NLGN1: variants seen among roughly 807,000 people sequenced by gnomAD.
NLGN1 encodes neuroligin-1.
In NLGN1, 12 loss-of-function variants were observed where a neutral mutation model predicts 65.5. That is an observed-to-expected ratio of 0.18 (90% CI 0.12 to 0.30). NLGN1 has a LOEUF of 0.30. Among genes scored for constraint, NLGN1 ranks in the 10% least tolerant of loss-of-function variants. The pLI is 1.00. For missense variants in NLGN1, 750 were observed against 1,007.1 expected (o/e 0.74, Z 3.46); for synonymous variants, 350 against 359.5 (o/e 0.97, Z 0.30).
chr3:174,275,966 A>G (rs758366673), intron 5 of NLGN1, among the ~76,000 whole-genome samples: 1 of 151,858 alleles, frequency 6.6e-6, no homozygotes, highest in South Asian at 2.1e-4. Context: ...AAGCGGTCAT[A>G]AGCTAGTTTG....
chr3:173,446,372 A>G (rs904567909), intron 2 of NLGN1, among the ~76,000 whole-genome samples: 25 of 152,124 alleles, frequency 1.6e-4, no homozygotes, highest in Admixed American at 6.5e-5. Context: ...AGCTTCATCC[A>G]TGTCCCTACA....
rs533711854 is a variant in NLGN1 at position 174,134,115 on chromosome 3, C to T, written c.647-141200C>T. Among the ~76,000 whole-genome samples the T allele has an allele frequency of 2.9e-3, 436 of 150,866 alleles. 1 individual carries two copies. The highest frequency in any genetic ancestry group is 5.3e-3 in the Non-Finnish European group (363 of 67,976). On this transcript the variant is annotated intron_variant, in intron 4 of 6. Coordinates refer to ENST00000457714, the Ensembl canonical transcript of NLGN1. ...AAAGACAAATTATATTTTATTGTAC[C>T]CACAAAACGAAAAGAAACAGTTGCG... is the stretch of plus-strand genomic sequence containing the variant.
intron 2 of NLGN1, among the ~76,000 whole-genome samples, chr3:173,436,597 C>T (rs76885674): frequency 0.046 from 7,077 of 152,230 alleles, 218 homozygotes; most frequent in Non-Finnish European, 0.068. Context: ...TAACTCAACC[C>T]AGCCAGATCC....
At chr3:173,809,820 G>A (rs1019966428) in intron 4 of NLGN1, among the ~76,000 whole-genome samples, 6 of 152,144 alleles carry the variant, frequency 3.9e-5, no homozygotes, top group African/African-American at 7.2e-5. Context: ...GGATTAACTC[G>A]CTAAAATATA....
chr3:173,858,239 G>A (rs182216963), intron 4 of NLGN1, among the ~76,000 whole-genome samples: 13 of 152,064 alleles, frequency 8.5e-5, no homozygotes, highest in Middle Eastern at 3.4e-3. Context: ...GCAATATTTT[G>A]CTTGATTTTA....
At chr3:173,778,501 T>A (rs532568600) in intron 3 of NLGN1, among the ~76,000 whole-genome samples, 2 of 151,972 alleles carry the variant, frequency 1.3e-5, no homozygotes, top group East Asian at 3.9e-4. Context: ...CTTGCCAGAT[T>A]TTCCCTAAAA....
At chr3:174,288,825 T>C (rs1338384306), downstream of NLGN1, among the ~76,000 whole-genome samples, 4 of 151,538 alleles carry the variant, frequency 2.6e-5, no homozygotes, top group East Asian at 5.8e-4. Context: ...ATTACATTCT[T>C]TGTTGGCCAT....
chr3:174,137,298 T>C (rs1412737996), intron 4 of NLGN1, among the ~76,000 whole-genome samples: 1 of 152,156 alleles, frequency 6.6e-6, no homozygotes, highest in Non-Finnish European at 1.5e-5. Context: ...AATGTCTAAA[T>C]ATTTATTTCA....
intron 3 of NLGN1, among the ~76,000 whole-genome samples, chr3:173,704,464 T>C (rs567391911): frequency 6.6e-5 from 10 of 152,152 alleles, no homozygotes; most frequent in Non-Finnish European, 7.4e-5. Flanking sequence ...TCAAAAGTGC[T>C]CATAACAGTT....
At chr3:173,871,338 T>A (rs925856120) in intron 4 of NLGN1, among the ~76,000 whole-genome samples, 1 of 152,160 alleles carries the variant, frequency 6.6e-6, no homozygotes. Flanking sequence ...AATGTATGAT[T>A]TTTTTCAAAA....
intron 2 of NLGN1, among the ~76,000 whole-genome samples, chr3:173,566,789 C>G (rs1404047074): frequency 3.9e-5 from 6 of 152,264 alleles, no homozygotes; most frequent in African/African-American, 1.4e-4. Context: ...TTGGACACTT[C>G]TTTATCTCTA....
intron 4 of NLGN1, among the ~76,000 whole-genome samples, chr3:173,874,821 A>G (rs1044651552): frequency 2.6e-5 from 4 of 152,164 alleles, no homozygotes; most frequent in African/African-American, 9.7e-5. Flanking sequence ...CTATCTCTTA[A>G]TCATTTCTCT....
chr3:174,078,995 GGTGT>G (rs547909848), intron 4 of NLGN1, among the ~76,000 whole-genome samples: 1 of 145,876 alleles, frequency 6.9e-6, no homozygotes, highest in Non-Finnish European at 1.5e-5. Context: ...GTAATACAAC[GGTGT>G]GTGTGTGTGT....
chr3:174,036,961 T>G (rs1379090575), intron 4 of NLGN1, among the ~76,000 whole-genome samples: 1 of 152,162 alleles, frequency 6.6e-6, no homozygotes, highest in Non-Finnish European at 1.5e-5. Context: ...CATAGTATTC[T>G]AAGGTGTATA....
intron 1 of NLGN1, among the ~76,000 whole-genome samples, chr3:173,431,111 T>C (rs1199061696): frequency 2.0e-5 from 3 of 152,204 alleles, no homozygotes; most frequent in African/African-American, 7.2e-5. Flanking sequence ...TTTTATTCTT[T>C]CATGCTAAAA....
chr3:174,033,028 C>CTA (rs1372863864), intron 4 of NLGN1, among the ~76,000 whole-genome samples: 1 of 151,582 alleles, frequency 6.6e-6, no homozygotes, highest in East Asian at 1.9e-4. Flanking sequence ...ATATCTATGT[C>CTA]TATATATATC....
At chr3:173,888,597 A>AT (rs1018814229) in intron 4 of NLGN1, among the ~76,000 whole-genome samples, 4 of 152,132 alleles carry the variant, frequency 2.6e-5, no homozygotes, top group African/African-American at 9.6e-5. Flanking sequence ...CAGTGAGCAT[A>AT]TTTTTTGTGT....
At chr3:173,906,968 A>G (rs1738548345) in intron 4 of NLGN1, among the ~76,000 whole-genome samples, 2 of 152,172 alleles carry the variant, frequency 1.3e-5, no homozygotes, top group South Asian at 2.1e-4. Flanking sequence ...GTAAGCCTCA[A>G]ATACTTACAA....
intron 4 of NLGN1, among the ~76,000 whole-genome samples, chr3:174,109,162 A>C (rs1284042671): frequency 6.6e-6 from 1 of 152,058 alleles, no homozygotes; most frequent in African/African-American, 2.4e-5. Context: ...GAAAAATGAA[A>C]AACAATTAAT....
Sources: allele counts gnomAD v4.1 joint callset (sites outside exome capture counted in the v4.1 genomes callset), GRCh38; gene constraint gnomAD v4.1.1; transcripts MANE v1.5; gene names NCBI Gene and HGNC (gene_info 2026-07-23, HGNC 2026-07-21).